Variants in CATSPER3 observed in about 807,000 individuals in gnomAD.
CATSPER3 encodes cation channel sperm-associated protein 3.
CATSPER3 carries 23 observed loss-of-function variants against 36.6 expected under a neutral mutation model. The observed-to-expected ratio is 0.63, with a 90% CI of 0.45 to 0.89. CATSPER3 has a LOEUF of 0.89. Among genes scored for constraint, CATSPER3 ranks in the 40% least tolerant of loss-of-function variants. The pLI is 0.00. For missense variants in CATSPER3, 474 were observed against 503.9 expected, an observed-to-expected ratio of 0.94 and a Z score of 0.57; for synonymous variants, 172 against 184.1, an observed-to-expected ratio of 0.93 and a Z score of 0.53.
intron 2 of CATSPER3, among the ~76,000 whole-genome samples, chr5:134,987,367 C>T (rs1751823909): frequency 6.6e-6 from 1 of 152,128 alleles, no homozygotes; most frequent in Admixed American, 6.5e-5. Context: ...AAGAAAATCT[C>T]AGGACCAGGT....
At chr5:134,998,616 C>T (rs1751981728) in intron 3 of CATSPER3, among the ~76,000 whole-genome samples, 2 of 152,328 alleles carry the variant, frequency 1.3e-5, no homozygotes, top group South Asian at 4.1e-4. Context: ...GCCATTCTAA[C>T]TGGTATGAGA....
chr5:135,010,308 A>G lies in CATSPER3; in HGVS notation c.937-65A>G, dbSNP rs548922615. On this transcript the variant is annotated intron_variant, in intron 6 of 7. Transcript: ENST00000282611. ...CTGGGGCCCATCCTGGAGAGTCTCC[A>G]TGTCTCTGTGCAGCTCGGCTGTCAC... 151 of 1,419,806 alleles carry G rather than the reference A, an allele frequency of 1.1e-4. 1 individual carries two copies. The East Asian group carries it at 2.6e-3, about 24-fold the overall frequency. 88.0% of individuals were successfully genotyped at this position (1,419,806 alleles called of 1,614,324 possible). A position where few individuals can be genotyped will look rare whatever the true frequency, so the allele number is the denominator to read the frequency against.
rs368429080 is a variant in CATSPER3, at chr5:135,010,541, G to C, written c.1094+11G>C. On this transcript the variant is annotated intron_variant, in intron 7 of 7. Coordinates refer to ENST00000282611, the MANE Select transcript of CATSPER3 (RefSeq NM_178019.3). ...CACAACTGTCCACAAGTCAGTTCCA[G>C]CCCCAGCCTTCCCTGGTCCCTAGGG... The C allele has an allele frequency of 8.8e-4, 1,419 of 1,613,576 alleles. No homozygotes were observed. Among genetic ancestry groups the C allele is most frequent in the Non-Finnish European group, 1.1e-3 (1,352 of 1,179,536 alleles).
chr5:134,970,448 C>T (rs552716212), intron 2 of CATSPER3, among the ~76,000 whole-genome samples: 62 of 152,214 alleles, frequency 4.1e-4, no homozygotes, highest in African/African-American at 1.3e-3. Flanking sequence ...CGTTAGCCAC[C>T]ATGCCCAGCC....
chr5:134,969,882 T>C (rs1316708397), intron 1 of CATSPER3, 57 bp from the exon 2 acceptor site: 8 of 1,586,580 alleles, frequency 5.0e-6, no homozygotes, highest in Non-Finnish European at 6.9e-6. Flanking sequence ...GTATGCATTT[T>C]ATGGGGATCT....
chr5:135,008,833 C>A lies in CATSPER3; in HGVS notation c.676-8C>A. 1 of 1,613,962 alleles carries A rather than the reference C, an allele frequency of 6.2e-7. No individual in the cohort carries two copies. The highest frequency in any genetic ancestry group is 2.2e-5 in the East Asian group (1 of 44,882). ...GGGCCCTCAGCATACTCTTCCCTGC[C>A]TGAGCAGGTTGATGGCTGGACAGAC... On this transcript the variant is annotated splice_polypyrimidine_tract_variant and splice_region_variant and intron_variant, in intron 4 of 7. Coordinates refer to ENST00000282611, the MANE Select transcript of CATSPER3 (RefSeq NM_178019.3).
intron 2 of CATSPER3, among the ~76,000 whole-genome samples, chr5:134,994,944 T>C (rs1751925504): frequency 3.3e-5 from 5 of 149,868 alleles, no homozygotes; most frequent in African/African-American, 1.2e-4. Flanking sequence ...CCTCCCTTCC[T>C]TCCTTTCTTT....
intron 2 of CATSPER3, among the ~76,000 whole-genome samples, chr5:134,976,598 G>T (rs1751678039): frequency 1.3e-5 from 2 of 152,194 alleles, no homozygotes; most frequent in Non-Finnish European, 2.9e-5. Flanking sequence ...AGAGCAGTGG[G>T]TCCCTTCCCA....
chr5:134,976,784 C>T (rs761250238), intron 2 of CATSPER3, among the ~76,000 whole-genome samples: 1 of 152,258 alleles, frequency 6.6e-6, no homozygotes, highest in Non-Finnish European at 1.5e-5. Flanking sequence ...AGCTGCTAAA[C>T]CTCCATCACT....
intron 3 of CATSPER3, among the ~76,000 whole-genome samples, chr5:135,004,105 G>A (rs919030235): frequency 2.6e-5 from 4 of 152,158 alleles, no homozygotes; most frequent in East Asian, 3.9e-4. Context: ...CCAGTATTTC[G>A]TCTTTTGGTA....
At chr5:134,983,578 G>A (rs1751774216) in intron 2 of CATSPER3, among the ~76,000 whole-genome samples, 1 of 152,114 alleles carries the variant, frequency 6.6e-6, no homozygotes, top group Non-Finnish European at 1.5e-5. Context: ...GGTTGAAAGT[G>A]AAAGGATGGA....
At chr5:134,968,309 G>C (rs1751558838) in intron 1 of CATSPER3, 4 of 539,090 alleles carry the variant, frequency 7.4e-6, no homozygotes, top group Non-Finnish European at 1.3e-5. Context: ...CAGTTTGACT[G>C]TTAGATAATC....
chr5:134,993,109 C>G (rs1751898024), intron 2 of CATSPER3, among the ~76,000 whole-genome samples: 1 of 152,126 alleles, frequency 6.6e-6, no homozygotes, highest in South Asian at 2.1e-4. Flanking sequence ...AATCAGAAAC[C>G]AACACATGCT....
At chr5:134,974,973 C>A (rs369609379) in intron 2 of CATSPER3, among the ~76,000 whole-genome samples, 18 of 152,140 alleles carry the variant, frequency 1.2e-4, no homozygotes, top group African/African-American at 4.3e-4. Flanking sequence ...GGTTTGCAAG[C>A]CTAGGGGATG....
At chr5:134,971,111 G>A (rs1751600602) in intron 2 of CATSPER3, among the ~76,000 whole-genome samples, 1 of 151,824 alleles carries the variant, frequency 6.6e-6, no homozygotes, top group Admixed American at 6.6e-5. Context: ...CACAACGCCC[G>A]GCTAATTTTT....
intron 2 of CATSPER3, among the ~76,000 whole-genome samples, chr5:134,987,696 G>GA (rs1379046623): frequency 1.3e-5 from 2 of 151,898 alleles, no homozygotes; most frequent in African/African-American, 2.4e-5. Context: ...TAGAGTGAAG[G>GA]AAAAAAATTC....
rs575521217 is a variant in CATSPER3, at chr5:134,978,227, T to A, written c.252+8135T>A. The stretch of plus-strand genomic sequence containing the variant: ...TTACAGTTAGATAGGAGGAATTAAT[T>A]TTGGTGTTCTGTGCAATAGGGTGAT... On this transcript the variant is annotated intron_variant, in intron 2 of 7. Coordinates refer to ENST00000282611, the MANE Select transcript of CATSPER3 (RefSeq NM_178019.3). Among the ~76,000 whole-genome samples, 4 of 152,268 alleles carry A rather than the reference T, an allele frequency of 2.6e-5. No homozygotes were observed. In the South Asian group the frequency reaches 8.3e-4, roughly 32 times the overall value.
At chr5:134,997,423 C>G (rs1205305094) in intron 3 of CATSPER3, among the ~76,000 whole-genome samples, 1 of 152,234 alleles carries the variant, frequency 6.6e-6, no homozygotes, top group Non-Finnish European at 1.5e-5. Context: ...AGCCCTCCCT[C>G]TCCTTCTCTT....
intron 6 of CATSPER3, among the ~76,000 whole-genome samples, chr5:135,009,870 G>T (rs1180720622): frequency 1.3e-5 from 2 of 152,218 alleles, no homozygotes; most frequent in African/African-American, 2.4e-5. Context: ...CTGACAGAGT[G>T]CCAGACAACC....
Sources: allele counts gnomAD v4.1 joint callset (sites outside exome capture counted in the v4.1 genomes callset), GRCh38; gene constraint gnomAD v4.1.1; transcripts MANE v1.5; gene names NCBI Gene and HGNC (gene_info 2026-07-23, HGNC 2026-07-21).